The following ITGA1 variants were observed in gnomAD, a reference collection of about 807,000 sequenced individuals.
ITGA1 encodes integrin alpha-1.
ITGA1 carries 85 observed loss-of-function variants against 145.9 expected under a neutral mutation model. The ratio of observed to expected loss-of-function variants is 0.58; its 90% CI spans 0.49 to 0.70. The LOEUF (loss-of-function observed/expected upper bound fraction) is 0.70, where lower values mean the gene tolerates loss of function less well. Ranked by LOEUF, ITGA1 falls within the 30% of genes least tolerant of loss-of-function variation. The pLI is 0.00. For synonymous variants in ITGA1, 520 were observed against 495.3 expected, an observed-to-expected ratio of 1.05 and a Z score of -0.66; for missense variants, 1,351 against 1,418.7, an observed-to-expected ratio of 0.95 and a Z score of 0.77.
At chr5:52,833,418 A>G (rs1030018404) in intron 1 of ITGA1, among the ~76,000 whole-genome samples, 18 of 152,204 alleles carry the variant, frequency 1.2e-4, no homozygotes, top group African/African-American at 4.1e-4. Flanking sequence ...AGGACTTAAA[A>G]GAACTCATAA....
chr5:52,793,554 C>T (rs1465916506), intron 1 of ITGA1, among the ~76,000 whole-genome samples: 1 of 152,052 alleles, frequency 6.6e-6, no homozygotes. Context: ...AAATGTGCGT[C>T]TGAAAATTAC....
intron 1 of ITGA1, chr5:52,803,117 C>CT (rs1748520844): frequency 1.3e-5 from 2 of 152,150 alleles, no homozygotes; most frequent in Non-Finnish European, 2.9e-5. Flanking sequence ...ACTAACTAAA[C>CT]TTTCGCCGGT....
intron 15 of ITGA1, among the ~76,000 whole-genome samples, chr5:52,916,903 G>A (rs1400088424): frequency 5.3e-5 from 8 of 152,054 alleles, no homozygotes; most frequent in Admixed American, 4.6e-4. Flanking sequence ...AGGCTTTCTT[G>A]CAAAGCTTTG....
In ITGA1 at chr5:52,939,609, A is replaced by G. The variant is rs1245440687; in HGVS notation, c.3098A>G (p.His1033Arg). The G allele has an allele frequency of 1.2e-6, 2 of 1,612,054 alleles. No individual in the cohort carries two copies. Among genetic ancestry groups the G allele is most frequent in the African/African-American group, 1.3e-5 (1 of 74,978 alleles). Residue 1033 changes from histidine to arginine, a missense_variant, in exon 25 of 29, where the codon CAT (histidine) becomes CGT (arginine). His to Arg is a conservative substitution (Grantham distance 29). Coordinates refer to ENST00000282588, the MANE Select transcript of ITGA1 (RefSeq NM_181501.2). ...SSSENANCRP[H>R]IFEDPFSINS... ...TTCTAGAATGCAAACTGCAGACCCCATATCTTTGAGGATCCTTTCAGTATC... is the reference window on the plus strand; with the variant it reads ...TTCTAGAATGCAAACTGCAGACCCCGTATCTTTGAGGATCCTTTCAGTATC...
At chr5:52,949,097 T>C (rs1751178898) in intron 28 of ITGA1, among the ~76,000 whole-genome samples, 1 of 152,134 alleles carries the variant, frequency 6.6e-6, no homozygotes. Flanking sequence ...TTGACAAACT[T>C]TGGGCTGTCT....
In ITGA1 at chr5:52,795,985, G is replaced by A. The variant is rs147708486; in HGVS notation, c.61+7571G>A. Among the ~76,000 whole-genome samples the A allele has an allele frequency of 5.6e-3, 853 of 152,012 alleles. 8 individuals carry two copies. Among genetic ancestry groups the A allele is most frequent in the African/African-American group, 0.02 (823 of 41,520 alleles). ...AATCAGTCTTTCACCTCTGAAATGG[G>A]TCTTAGAAAAATCAGATTTGAAAGA... is the stretch of plus-strand genomic sequence containing the variant. On this transcript the variant is annotated intron_variant, in intron 1 of 28. Transcript: ENST00000282588.
intron 1 of ITGA1, among the ~76,000 whole-genome samples, chr5:52,797,503 T>G (rs1420801902): frequency 6.6e-6 from 1 of 151,904 alleles, no homozygotes; most frequent in Non-Finnish European, 1.5e-5. Context: ...GTATAATAAT[T>G]TTAAGAGGTG....
chr5:52,920,156 G>A (rs1241477155), intron 16 of ITGA1, among the ~76,000 whole-genome samples, 176 bp from the exon 17 acceptor site: 1 of 152,106 alleles, frequency 6.6e-6, no homozygotes, highest in African/African-American at 2.4e-5. Context: ...GTTCCTCAAG[G>A]TTATCTTCAT....
At chr5:52,887,535 C>A (rs551401461) in intron 7 of ITGA1, among the ~76,000 whole-genome samples, 8 of 152,248 alleles carry the variant, frequency 5.3e-5, no homozygotes, top group Non-Finnish European at 1.0e-4. Flanking sequence ...TCAGTCACAC[C>A]CTCCCTTTGA....
At chr5:52,928,685 T>C (rs1363166496) in intron 20 of ITGA1, among the ~76,000 whole-genome samples, 1 of 152,228 alleles carries the variant, frequency 6.6e-6, no homozygotes, top group Non-Finnish European at 1.5e-5. Context: ...TTGACTTTTA[T>C]TGGCAATTCT....
chr5:52,870,021 T>C (rs1237718133), intron 6 of ITGA1, among the ~76,000 whole-genome samples: 1 of 152,230 alleles, frequency 6.6e-6, no homozygotes, highest in Non-Finnish European at 1.5e-5. Flanking sequence ...AGAAAAGAAA[T>C]CCTGTCATAG....
intron 1 of ITGA1, among the ~76,000 whole-genome samples, chr5:52,809,365 G>C (rs554947159): frequency 2.6e-5 from 4 of 152,166 alleles, no homozygotes; most frequent in Non-Finnish European, 5.9e-5. Flanking sequence ...GGCTAACTCA[G>C]CCTGGCTTTA....
intron 1 of ITGA1, among the ~76,000 whole-genome samples, chr5:52,820,119 G>A (rs1748852392): frequency 6.6e-6 from 1 of 151,878 alleles, no homozygotes; most frequent in South Asian, 2.1e-4. Context: ...GGATTGACTT[G>A]GCAATGCAGG....
At chr5:52,915,355 A>C in intron 14 of ITGA1, 109 bp from the exon 15 acceptor site, 1 of 1,259,416 alleles carries the variant, frequency 7.9e-7, no homozygotes, top group Non-Finnish European at 1.1e-6. Context: ...CGGATTCCCA[A>C]ATTAACAAAA....
intron 2 of ITGA1, among the ~76,000 whole-genome samples, chr5:52,855,502 G>C (rs890432036): frequency 6.6e-5 from 10 of 152,018 alleles, no homozygotes; most frequent in African/African-American, 2.4e-4. Context: ...GTACTAGTAT[G>C]AGCACTAAGG....
chr5:52,809,649 G>A (rs905646320), intron 1 of ITGA1, among the ~76,000 whole-genome samples: 1 of 151,858 alleles, frequency 6.6e-6, no homozygotes, highest in Non-Finnish European at 1.5e-5. Flanking sequence ...GGGATTACAG[G>A]TGCGTGCCAC....
chr5:52,815,986 A>G (rs1748761915), intron 1 of ITGA1, among the ~76,000 whole-genome samples: 1 of 152,210 alleles, frequency 6.6e-6, no homozygotes, highest in Non-Finnish European at 1.5e-5. Flanking sequence ...GCAGGGAGAC[A>G]GTAGTAAGTA....
At position 52,856,413 on chromosome 5, in the gene ITGA1, C is replaced by T. The variant is rs368544347; in HGVS notation, c.183-5034C>T. Reference sequence around the variant, plus strand: ...TAGTGAGTCAGTTCTTCTCTACAAACTTATATTTGTTCTATTCAGATGATG... The same window carrying T: ...TAGTGAGTCAGTTCTTCTCTACAAATTTATATTTGTTCTATTCAGATGATG... On this transcript the variant is annotated intron_variant, in intron 2 of 28. Coordinates refer to ENST00000282588, the MANE Select transcript of ITGA1 (RefSeq NM_181501.2). 7.2e-4 allele frequency among the ~76,000 whole-genome samples: 109 copies of T among 152,252 alleles called. 1 individual carries two copies. Among genetic ancestry groups the T allele is most frequent in the African/African-American group, 2.5e-3 (105 of 41,558 alleles).
rs1394991396 is a variant in ITGA1, at chr5:52,957,050, T to C, written c.*4599T>C. 1.3e-5 allele frequency: 2 copies of C among 152,134 alleles called. No homozygotes were observed. The highest frequency in any genetic ancestry group is 2.9e-5 in the Non-Finnish European group (2 of 68,016). 9.4% of individuals were successfully genotyped at this position (152,134 alleles called of 1,614,324 possible). On this transcript the variant is annotated 3_prime_UTR_variant, in exon 29 of 29. Coordinates refer to ENST00000282588, the MANE Select transcript of ITGA1 (RefSeq NM_181501.2). ...CTTAGGTGGAATAAGAAAATTAGGG[T>C]TAAACTGTAACATTGTAATCGGACG...
Sources: gnomAD v4.1 joint callset for allele counts (sites outside exome capture counted in the v4.1 genomes callset) on GRCh38, gnomAD v4.1.1 for gene constraint, MANE v1.5 for transcripts, NCBI Gene and HGNC (gene_info 2026-07-23, HGNC 2026-07-21) for gene names.